P2RX3: variants seen among roughly 807,000 people sequenced by gnomAD.
P2RX3 encodes purinergic receptor P2X 3, also known as P2X purinoceptor 3.
A neutral mutation model predicts 51.5 loss-of-function variants in P2RX3; 41 were observed. The observed-to-expected ratio is 0.80, with a 90% CI of 0.62 to 1.03. The LOEUF (loss-of-function observed/expected upper bound fraction) is 1.03, where lower values mean the gene tolerates loss of function less well. Ranked by LOEUF, P2RX3 falls within the 50% of genes least tolerant of loss-of-function variation. The pLI, the probability that P2RX3 is intolerant of heterozygous loss-of-function variation, is 0.00. For missense variants in P2RX3, 459 were observed against 522.1 expected, an observed-to-expected ratio of 0.88 and a Z score of 1.18; for synonymous variants, 185 against 191.6, an observed-to-expected ratio of 0.97 and a Z score of 0.29.
chr11:57,363,181 A>T lies in P2RX3; in HGVS notation c.843-4828A>T, dbSNP rs571593718. The stretch of plus-strand genomic sequence containing the variant: ...CCTCCTTAGAGGGTTTACTCCTGGG[A>T]TATAGCATCATGGGACTGTGCCCTC... On this transcript the variant is annotated intron_variant, in intron 8 of 11. Transcript: ENST00000263314. 3.9e-5 allele frequency among the ~76,000 whole-genome samples: 6 copies of T among 152,300 alleles called. No individual in the cohort carries two copies. The South Asian group carries it at 1.2e-3, about 32-fold the overall frequency.
intron 1 of P2RX3, 25 bp from the exon 2 acceptor site, chr11:57,346,519 C>T: frequency 6.2e-7 from 1 of 1,612,138 alleles, no homozygotes; most frequent in Non-Finnish European, 8.5e-7. Context: ...CTCTCTTTCT[C>T]TTCATTTATG....
Position 57,372,152 on chromosome 11 carries a change from G to C in P2RX3, c.*2155G>C, listed in dbSNP as rs186301748. Among the ~76,000 whole-genome samples the C allele has an allele frequency of 6.6e-6, 1 of 152,278 alleles. No homozygotes were observed. Among genetic ancestry groups the C allele is most frequent in the Non-Finnish European group, 1.5e-5 (1 of 68,026 alleles). On this transcript the variant is annotated 3_prime_UTR_variant, in exon 12 of 12. Transcript: ENST00000263314. ...CCCTCACACCAACGCTGGTGAGTCC[G>C]CTATGGTTTGTCATTAATCCTATTT...
intron 1 of P2RX3, among the ~76,000 whole-genome samples, chr11:57,339,205 G>T (rs1177073900): frequency 6.6e-6 from 1 of 152,122 alleles, no homozygotes; most frequent in East Asian, 1.9e-4. Context: ...CTTCTGGCAT[G>T]GATGGGTGAG....
chr11:57,360,402 A>G (rs1294939148), intron 8 of P2RX3, among the ~76,000 whole-genome samples: 1 of 152,196 alleles, frequency 6.6e-6, no homozygotes, highest in African/African-American at 2.4e-5. Context: ...CCTAAACTCA[A>G]TCTTTGAGAT....
At chr11:57,353,652 T>G (rs553966534) in intron 8 of P2RX3, among the ~76,000 whole-genome samples, 2 of 152,316 alleles carry the variant, frequency 1.3e-5, no homozygotes, top group South Asian at 4.1e-4. Context: ...AACAATTCAT[T>G]TGCTGCTCCC....
upstream of P2RX3, among the ~76,000 whole-genome samples, chr11:57,337,507 A>G (rs968960398): frequency 6.6e-6 from 1 of 152,150 alleles, no homozygotes; most frequent in African/African-American, 2.4e-5. Flanking sequence ...GGATGAGTTC[A>G]TGTCCTTTGC....
intron 1 of P2RX3, among the ~76,000 whole-genome samples, chr11:57,339,799 A>G (rs759365579): frequency 2.0e-5 from 3 of 152,216 alleles, no homozygotes; most frequent in Non-Finnish European, 2.9e-5. Context: ...CTGAAGCTGC[A>G]TGCAAACCTG....
chr11:57,353,757 GCTAA>G (rs1209670016), intron 8 of P2RX3, among the ~76,000 whole-genome samples: 2 of 151,746 alleles, frequency 1.3e-5, no homozygotes, highest in African/African-American at 2.4e-5. Flanking sequence ...GTTTGAATCT[GCTAA>G]CTAAGACATC....
At chr11:57,339,929 T>C (rs1316588571) in intron 1 of P2RX3, among the ~76,000 whole-genome samples, 1 of 152,172 alleles carries the variant, frequency 6.6e-6, no homozygotes, top group East Asian at 1.9e-4. Context: ...AGTGGGCAGG[T>C]ATTGTAAAAA....
At chr11:57,353,848 C>T (rs1565067625) in intron 8 of P2RX3, among the ~76,000 whole-genome samples, 3 of 126,390 alleles carry the variant, frequency 2.4e-5, no homozygotes, top group South Asian at 2.6e-4. Context: ...CCCCCCCCCC[C>T]GCCCCTATTT....
intron 7 of P2RX3, 109 bp from the exon 8 acceptor site, chr11:57,350,640 CCGTCTCCCACCTG>C (rs1856529474): frequency 7.4e-7 from 1 of 1,360,500 alleles, no homozygotes; most frequent in South Asian, 1.4e-5. Context: ...CTCCCTGCCT[CCGTCTCCCACCTG>C]GAGGATGGGA....
Position 57,338,595 on chromosome 11 carries a change from G to A in P2RX3, c.45G>A (p.Ser15=), listed in dbSNP as rs377236358. Residue 15 remains serine (S), a synonymous_variant, in exon 1 of 12, where the codon TCG becomes TCA. Coordinates refer to ENST00000263314, the MANE Select transcript of P2RX3 (RefSeq NM_002559.5). ...TCTTCACCTATGAGACCACCAAGTC[G>A]GTGGTTGTGAAGAGCTGGACCATCG... is the stretch of plus-strand genomic sequence containing the variant. ...SDFFTYETTK[S]VVVKSWTIGI... 24 of 1,596,166 alleles carry A rather than the reference G, an allele frequency of 1.5e-5. No homozygotes were observed. The highest frequency in any genetic ancestry group is 2.7e-5 in the African/African-American group (2 of 74,688).
intron 8 of P2RX3, among the ~76,000 whole-genome samples, chr11:57,366,746 G>A (rs1262289201): frequency 6.6e-6 from 1 of 152,132 alleles, no homozygotes; most frequent in Non-Finnish European, 1.5e-5. Context: ...CTACTGGTGG[G>A]GACTGCAGTC....
At position 57,348,250 on chromosome 11, in the gene P2RX3, G is replaced by A; in HGVS notation, c.472G>A (p.Asp158Asn). ...CCAGGGCTGGTGCCCCACGGAGGTG[G>A]ACACAGTGGAAACGTAAGGCTCCAA... The part of the protein sequence containing the change: ...EIQGWCPTEV[D>N]TVETPIMMEA... The change falls in exon 5 of 12, where the codon GAC (aspartate) becomes AAC (asparagine). Residue 158 changes from aspartate to asparagine, a missense_variant. Coordinates refer to ENST00000263314, the MANE Select transcript of P2RX3 (RefSeq NM_002559.5). The A allele has an allele frequency of 6.2e-7, 1 of 1,603,014 alleles. No individual in the cohort carries two copies. Among genetic ancestry groups the A allele is most frequent in the Non-Finnish European group, 8.5e-7 (1 of 1,175,264 alleles).
rs768359493 is a variant in P2RX3 at position 57,368,456 on chromosome 11, C to T, written c.1002+19C>T. The T allele has an allele frequency of 3.0e-5, 49 of 1,613,570 alleles. No homozygotes were observed. Among genetic ancestry groups the T allele is most frequent in the Non-Finnish European group, 4.2e-5 (49 of 1,179,666 alleles). ...GGGAGTGGTGAGTTCAGCCCCTCCA[C>T]GCTCTGACGGGCCAGTCAGAGTGGG... On this transcript the variant is annotated intron_variant, in intron 10 of 11. Coordinates refer to ENST00000263314, the MANE Select transcript of P2RX3 (RefSeq NM_002559.5).
chr11:57,345,181 C>T (rs1856409697), intron 1 of P2RX3, among the ~76,000 whole-genome samples: 1 of 152,252 alleles, frequency 6.6e-6, no homozygotes, highest in South Asian at 2.1e-4. Context: ...ACTCCTACGG[C>T]TTTGTCTTCT....
chr11:57,342,809 G>C (rs902684757), intron 1 of P2RX3, among the ~76,000 whole-genome samples: 1 of 148,560 alleles, frequency 6.7e-6, no homozygotes, highest in Non-Finnish European at 1.5e-5. Flanking sequence ...ACCTTCCTAA[G>C]AGACCCCTCT....
At chr11:57,347,581 C>A in intron 4 of P2RX3, 103 bp downstream of exon 4, 1 of 1,287,014 alleles carries the variant, frequency 7.8e-7, no homozygotes, top group Non-Finnish European at 1.1e-6. Context: ...TGTTCCATGT[C>A]ATTCTGCTGG....
chr11:57,340,349 G>T (rs1251321435), intron 1 of P2RX3, among the ~76,000 whole-genome samples: 1 of 152,200 alleles, frequency 6.6e-6, no homozygotes, highest in East Asian at 1.9e-4. Context: ...CAGGGCTGGA[G>T]CCCAGCCTGC....
Sources: gnomAD v4.1 joint callset for allele counts (sites outside exome capture counted in the v4.1 genomes callset) on GRCh38, gnomAD v4.1.1 for gene constraint, MANE v1.5 for transcripts, NCBI Gene and HGNC (gene_info 2026-07-23, HGNC 2026-07-21) for gene names.